Variants in YTHDC2 observed in about 807,000 individuals in gnomAD.
YTHDC2 encodes 3'-5' RNA helicase YTHDC2.
In YTHDC2, 45 loss-of-function variants were observed where a neutral mutation model predicts 174.9. That is an observed-to-expected ratio of 0.26 (90% CI 0.20 to 0.33). The LOEUF (loss-of-function observed/expected upper bound fraction) is 0.33, where lower values mean the gene tolerates loss of function less well. Among genes scored for constraint, YTHDC2 ranks in the 10% least tolerant of loss-of-function variants. YTHDC2 has a pLI of 1.00. For synonymous variants in YTHDC2, 657 were observed against 574.5 expected, an observed-to-expected ratio of 1.14 and a Z score of -2.05; for missense variants, 1,650 against 1,723.7, an observed-to-expected ratio of 0.96 and a Z score of 0.76.
chr5:113,566,105 C>A, intron 21 of YTHDC2, 86 bp downstream of exon 21: 1 of 1,344,602 alleles, frequency 7.4e-7, no homozygotes. Flanking sequence ...TAACTGATGC[C>A]ATCTATTATT....
Position 113,579,672 on chromosome 5 carries a change from C to T in YTHDC2, c.3331C>T (p.Leu1111Phe). 6.2e-7 allele frequency: 1 copy of T among 1,608,016 alleles called. No individual in the cohort carries two copies. The highest frequency in any genetic ancestry group is 2.2e-5 in the East Asian group (1 of 44,478). The change falls in exon 24 of 30, where the codon CTC becomes TTC. Residue 1111 changes from leucine (L) to phenylalanine (F), a missense_variant. Leu to Phe is a conservative substitution (Grantham distance 22). Around this residue, in one of 5 missense-constraint regions of YTHDC2, gnomAD observed 913 missense variants for 940.4 expected, o/e 0.97. Coordinates refer to ENST00000161863, the MANE Select transcript of YTHDC2 (RefSeq NM_022828.5). The stretch of plus-strand genomic sequence containing the variant: ...GGCAGCCTTGAAACTTGATGAGTGG[C>T]TCCATTTCACACTGGAGCCAGAGGT... ...NLAALKLDEW[L>F]HFTLEPEAAS...
chr5:113,576,064 A>T (rs1196054853), intron 23 of YTHDC2, among the ~76,000 whole-genome samples: 4 of 151,850 alleles, frequency 2.6e-5, no homozygotes, highest in Non-Finnish European at 4.4e-5. Flanking sequence ...GGTTCTTTTT[A>T]GACATGTTAA....
intron 7 of YTHDC2, among the ~76,000 whole-genome samples, chr5:113,536,197 A>G (rs1158220996): frequency 6.6e-6 from 1 of 152,202 alleles, no homozygotes; most frequent in East Asian, 1.9e-4. Flanking sequence ...TTTTGCCACC[A>G]GTCTTTAAAA....
intron 26 of YTHDC2, among the ~76,000 whole-genome samples, chr5:113,585,716 A>C (rs923851068): frequency 6.6e-6 from 1 of 151,344 alleles, no homozygotes; most frequent in African/African-American, 2.4e-5. Flanking sequence ...TATTTCACTT[A>C]ATAGAATCCT....
chr5:113,553,476 CATCTT>C, intron 13 of YTHDC2, 109 bp from the exon 14 acceptor site: 2 of 1,417,782 alleles, frequency 1.4e-6, no homozygotes, highest in Non-Finnish European at 9.6e-7. Flanking sequence ...AATCTCCTGT[CATCTT>C]ATGATAGTTT....
At chr5:113,519,203 TC>T (rs1773694572) in intron 2 of YTHDC2, among the ~76,000 whole-genome samples, 1 of 152,296 alleles carries the variant, frequency 6.6e-6, no homozygotes, top group South Asian at 2.1e-4. Flanking sequence ...TAATTGCTCA[TC>T]TTTTAGTGAA....
At chr5:113,559,780 T>C (rs1306291006) in intron 17 of YTHDC2, among the ~76,000 whole-genome samples, 1 of 152,224 alleles carries the variant, frequency 6.6e-6, no homozygotes, top group African/African-American at 2.4e-5. Context: ...CCTGAAGCAT[T>C]TCTTGGAAGA....
At chr5:113,535,273 A>G (rs1774975596) in intron 6 of YTHDC2, among the ~76,000 whole-genome samples, 1 of 152,204 alleles carries the variant, frequency 6.6e-6, no homozygotes. Flanking sequence ...ATTACACTGT[A>G]CTAGGTAATA....
At chr5:113,589,429 A>ATATG (rs1554103547) in intron 26 of YTHDC2, among the ~76,000 whole-genome samples, 66 of 138,282 alleles carry the variant, frequency 4.8e-4, no homozygotes, top group African/African-American at 1.7e-3. Flanking sequence ...ATATATATAT[A>ATATG]TATGTATATA....
chr5:113,578,009 CA>C (rs1326614889), intron 23 of YTHDC2, among the ~76,000 whole-genome samples: 2 of 151,800 alleles, frequency 1.3e-5, no homozygotes, highest in South Asian at 4.2e-4. Context: ...CATTTATTAC[CA>C]AAATGTATTC....
At chr5:113,553,048 A>G (rs1776355026) in intron 12 of YTHDC2, 133 bp from the exon 13 acceptor site, 2 of 883,842 alleles carry the variant, frequency 2.3e-6, no homozygotes, top group Middle Eastern at 3.6e-4. Flanking sequence ...TCAAAACATG[A>G]ATCATATTAT....
chr5:113,526,728 T>C lies in YTHDC2; in HGVS notation c.618T>C (p.Ile206=). The C allele has an allele frequency of 1.3e-6, 2 of 1,574,336 alleles. No homozygotes were observed. Among genetic ancestry groups the C allele is most frequent in the South Asian group, 1.2e-5 (1 of 85,494 alleles). The part of the protein sequence containing the change: ...FEKQEEIVKI[I]KENKVVLIVG... ...AACAGGAAGAAATTGTTAAAATAATTAAGGAAAATAAAGTAGTTTTGATTG... is the reference window on the plus strand; with the variant it reads ...AACAGGAAGAAATTGTTAAAATAATCAAGGAAAATAAAGTAGTTTTGATTG... The change falls in exon 4 of 30, where the codon ATT becomes ATC. Residue 206 remains isoleucine (I), a synonymous_variant. Coordinates refer to ENST00000161863, the MANE Select transcript of YTHDC2 (RefSeq NM_022828.5).
At chr5:113,534,066 G>A (rs1312915636) in intron 5 of YTHDC2, among the ~76,000 whole-genome samples, 1 of 152,026 alleles carries the variant, frequency 6.6e-6, no homozygotes, top group African/African-American at 2.4e-5. Flanking sequence ...TTAAGGTTTT[G>A]TTTTGTTTTT....
chr5:113,532,780 T>C (rs1774762964), intron 4 of YTHDC2, 99 bp from the exon 5 acceptor site: 1 of 1,082,940 alleles, frequency 9.2e-7, no homozygotes, highest in Admixed American at 2.5e-5. Context: ...TTTGGACTTG[T>C]TATAGAACTT....
At chr5:113,588,231 A>G (rs1778801612) in intron 26 of YTHDC2, among the ~76,000 whole-genome samples, 1 of 152,132 alleles carries the variant, frequency 6.6e-6, no homozygotes, top group African/African-American at 2.4e-5. Flanking sequence ...CAGAGCCTCC[A>G]GCAAAATATT....
chr5:113,591,384 C>A, intron 27 of YTHDC2, 140 bp downstream of exon 27: 1 of 824,228 alleles, frequency 1.2e-6, no homozygotes, highest in Non-Finnish European at 1.9e-6. Context: ...GGATATATTG[C>A]ATCTCTTTAG....
Position 113,535,705 on chromosome 5 carries a change from C to G in YTHDC2, c.1009C>G (p.Gln337Glu), listed in dbSNP as rs778849378. The change falls in exon 7 of 30, where the codon CAA (glutamine) becomes GAA (glutamate). Residue 337 changes from glutamine to glutamate, a missense_variant. Gln to Glu is a conservative substitution (Grantham distance 29, BLOSUM62 2). Coordinates refer to ENST00000161863, the MANE Select transcript of YTHDC2 (RefSeq NM_022828.5). ...ACTTACAAAGTTAAGAGATTTGTTG[C>G]AAAAGCACCCAACTTTGAAACTAAT... Reference protein sequence around the residue: ...FLLTKLRDLLQKHPTLKLILS... With the variant: ...FLLTKLRDLLEKHPTLKLILS... 1.9e-6 allele frequency: 3 copies of G among 1,613,618 alleles called. No individual in the cohort carries two copies. The Admixed American group carries it at 5.0e-5, about 27-fold the overall frequency.
intron 23 of YTHDC2, among the ~76,000 whole-genome samples, chr5:113,574,729 A>T (rs1777932682): frequency 6.6e-6 from 1 of 152,148 alleles, no homozygotes; most frequent in Non-Finnish European, 1.5e-5. Flanking sequence ...GGCTTCCTGG[A>T]TTCAGCCCCC....
At chr5:113,548,828 C>G (rs919112200) in intron 11 of YTHDC2, 127 bp from the exon 12 acceptor site, 3 of 1,138,144 alleles carry the variant, frequency 2.6e-6, no homozygotes, top group Non-Finnish European at 2.4e-6. Context: ...TGTTTTTTAA[C>G]TATAATTTAT....
Sources: gnomAD v4.1 joint callset for allele counts (sites outside exome capture counted in the v4.1 genomes callset) on GRCh38, gnomAD v4.1.1 for gene constraint, gnomAD v4.1.1 regional missense constraint, MANE v1.5 for transcripts, NCBI Gene and HGNC (gene_info 2026-07-23, HGNC 2026-07-21) for gene names.